USP42: variants seen among roughly 807,000 people sequenced by gnomAD.
USP42 encodes the protein ubiquitin carboxyl-terminal hydrolase 42.
In USP42, 23 loss-of-function variants were observed where a neutral mutation model predicts 113.0. The ratio of observed to expected loss-of-function variants is 0.20; its 90% confidence interval spans 0.15 to 0.29. The LOEUF (loss-of-function observed/expected upper bound fraction) is 0.29. Among genes scored for constraint, USP42 ranks in the 10% least tolerant of loss-of-function variants. The pLI is 1.00. For synonymous variants in USP42, 933 were observed against 699.0 expected (o/e 1.33, Z -5.28); for missense variants, 2,174 against 1,779.8 (o/e 1.22, Z -3.99).
intron 3 of USP42, among the ~76,000 whole-genome samples, chr7:6,117,345 G>T (rs372626641): frequency 6.6e-6 from 1 of 152,214 alleles, no homozygotes; most frequent in East Asian, 1.9e-4. Context: ...GCATAATCCT[G>T]TCAACATTAT....
the USP42 span, among the ~76,000 whole-genome samples, chr7:6,082,603 G>GTTTTTTTTTTTTTTTTTTTTTTT: frequency 2.2e-5 from 2 of 90,196 alleles, no homozygotes; most frequent in Admixed American, 1.4e-4. Context: ...CTTTCTTTCT[G>GTTTTTTTTTTTTTTTTTTTTTTT]TTTTTTTTTT....
At chr7:6,118,367 C>G (rs949586707) in intron 3 of USP42, among the ~76,000 whole-genome samples, 2 of 151,964 alleles carry the variant, frequency 1.3e-5, no homozygotes, top group Admixed American at 6.6e-5. Flanking sequence ...ATAAAAAATA[C>G]AAAAATTATC....
At chr7:6,127,960 T>C (rs1181581040) in intron 3 of USP42, among the ~76,000 whole-genome samples, 5 of 152,112 alleles carry the variant, frequency 3.3e-5, no homozygotes, top group African/African-American at 1.2e-4. Flanking sequence ...TCTTGTTCTG[T>C]GACCCAGGCT....
chr7:6,095,477 C>T, the USP42 span, among the ~76,000 whole-genome samples: 19 of 151,012 alleles, frequency 1.3e-4, no homozygotes, highest in African/African-American at 4.7e-4. Flanking sequence ...AGACCAGCCT[C>T]GCCAACATAG....
chr7:6,128,733 CTG>C (rs1227137772), intron 3 of USP42, among the ~76,000 whole-genome samples: 26 of 151,522 alleles, frequency 1.7e-4, no homozygotes, highest in Admixed American at 1.6e-3. Context: ...TTTTATATGT[CTG>C]TGTTTTCTTG....
intron 3 of USP42, among the ~76,000 whole-genome samples, chr7:6,120,244 G>A (rs1583598530): frequency 1.3e-5 from 2 of 152,024 alleles, no homozygotes; most frequent in Middle Eastern, 3.4e-3. Context: ...GATTACAGGC[G>A]TGAGCCACTG....
At chr7:6,137,985 A>G (rs1583642775) in intron 4 of USP42, among the ~76,000 whole-genome samples, 1 of 152,188 alleles carries the variant, frequency 6.6e-6, no homozygotes, top group African/African-American at 2.4e-5. Context: ...GACCACATAT[A>G]TTTATTTTTA....
chr7:6,159,708 G>T lies in USP42; in HGVS notation c.*36+215G>T, dbSNP rs1782663256. Among the ~76,000 whole-genome samples, 1 of 152,164 alleles carries T rather than the reference G, an allele frequency of 6.6e-6. No homozygotes were observed. On this transcript the variant is annotated intron_variant, in intron 17 of 17. Coordinates refer to ENST00000306177, the MANE Select transcript of USP42 (RefSeq NM_032172.3). The surrounding 1 kb of genome is among the most constrained non-coding windows in gnomAD (Gnocchi z 4.1). ...TCCACCTCATCACGTTTGCATTACTGGCTGGGGAAGACCCGCATCCTTCAC... is the reference window on the plus strand; with the variant it reads ...TCCACCTCATCACGTTTGCATTACTTGCTGGGGAAGACCCGCATCCTTCAC...
chr7:6,148,830 C>T (rs1255671834), intron 12 of USP42, among the ~76,000 whole-genome samples: 2 of 152,162 alleles, frequency 1.3e-5, no homozygotes, highest in Non-Finnish European at 2.9e-5. Context: ...CCAGCGGGCT[C>T]CCCTTTTGGG....
At chr7:6,087,566 G>A in the USP42 span, among the ~76,000 whole-genome samples, 1 of 149,534 alleles carries the variant, frequency 6.7e-6, no homozygotes, top group Non-Finnish European at 1.5e-5. Context: ...TGAACTCCTG[G>A]ACTGAAGCAA....
In USP42 at chr7:6,159,031, G is replaced by A. The variant is rs1402756537; in HGVS notation, c.3944-419G>A. Among the ~76,000 whole-genome samples, 3 of 152,178 alleles carry A rather than the reference G, an allele frequency of 2.0e-5. No individual in the cohort carries two copies. The highest frequency in any genetic ancestry group is 4.4e-5 in the Non-Finnish European group (3 of 68,032). On this transcript the variant is annotated intron_variant, in intron 16 of 17. Transcript: ENST00000306177. The surrounding 1 kb of genome is among the most constrained non-coding windows in gnomAD (Gnocchi z 4.1). ...GGCGCTTCTGCTGCGAGCAGACTGAGGAGCCTTTCTTGTCCTTCTGAGAAG... is the reference window on the plus strand; with the variant it reads ...GGCGCTTCTGCTGCGAGCAGACTGAAGAGCCTTTCTTGTCCTTCTGAGAAG...
At chr7:6,099,821 G>T in the USP42 span, among the ~76,000 whole-genome samples, 2 of 150,788 alleles carry the variant, frequency 1.3e-5, no homozygotes, top group East Asian at 3.9e-4. Flanking sequence ...AAATTATCTG[G>T]GCATTGTGGT....
At chr7:6,116,394 C>T (rs1418852141) in intron 3 of USP42, 1 of 167,126 alleles carries the variant, frequency 6.0e-6, no homozygotes, top group African/African-American at 2.4e-5. Flanking sequence ...GACTATCAAC[C>T]TTCAGAATTT....
chr7:6,148,959 T>C (rs1271006715), intron 12 of USP42, among the ~76,000 whole-genome samples: 2 of 152,090 alleles, frequency 1.3e-5, no homozygotes, highest in Non-Finnish European at 2.9e-5. Context: ...AGCTTTCCAG[T>C]GTTAGGATGG....
At chr7:6,137,059 G>A (rs934635265) in intron 4 of USP42, among the ~76,000 whole-genome samples, 2 of 152,114 alleles carry the variant, frequency 1.3e-5, no homozygotes, top group African/African-American at 4.8e-5. Context: ...CTTACATTCT[G>A]TGTGTTTTTG....
chr7:6,095,935 T>C, the USP42 span, among the ~76,000 whole-genome samples: 1 of 150,458 alleles, frequency 6.6e-6, no homozygotes, highest in African/African-American at 2.5e-5. Context: ...TTTTTTTTAA[T>C]TTATTTTTTT....
At chr7:6,099,159 CTT>C in the USP42 span, among the ~76,000 whole-genome samples, 2 of 147,260 alleles carry the variant, frequency 1.4e-5, no homozygotes, top group Non-Finnish European at 3.0e-5. Flanking sequence ...TGCTCTCTGG[CTT>C]TCTCACTTTA....
At position 6,115,324 on chromosome 7, in the gene USP42, C is replaced by T; in HGVS notation, c.243C>T (p.Ala81=). The change falls in exon 3 of 18, where the codon GCC becomes GCT. Residue 81 remains alanine (A), a splice_region_variant and synonymous_variant. Transcript: ENST00000306177. Reference sequence around the variant, plus strand: ...ACTCTTTCTTGTTTATTTTTCTAGCCCTAGGTGATGGCATCGCTCCTCCAC... The same window carrying T: ...ACTCTTTCTTGTTTATTTTTCTAGCTCTAGGTGATGGCATCGCTCCTCCAC... The part of the protein sequence containing the change: ...KSKPSPQKDQ[A]LGDGIAPPQK... The T allele has an allele frequency of 6.2e-7, 1 of 1,613,752 alleles. No homozygotes were observed. Among genetic ancestry groups the T allele is most frequent in the Non-Finnish European group, 8.5e-7 (1 of 1,179,848 alleles).
rs1782718876 is a variant in USP42, at chr7:6,160,566, T to TCAA, written c.*51_*53dup. 1 of 152,698 alleles carries TCAA rather than the reference T, an allele frequency of 6.5e-6. No individual in the cohort carries two copies. Among genetic ancestry groups the TCAA allele is most frequent in the South Asian group, 2.1e-4 (1 of 4,834 alleles). The allele number at this position is 152,698 out of a possible 1,614,324, so 9.5% of individuals were successfully genotyped here. On this transcript the variant is annotated 3_prime_UTR_variant, in exon 18 of 18. Coordinates refer to ENST00000306177, the MANE Select transcript of USP42 (RefSeq NM_032172.3). ...CTCTTGTCTTTCAGATTCAACGCGT[T>TCAA]CAACAGAAGCCATCCCCAGCCCAGC...
Sources: gnomAD v4.1 joint callset for allele counts (sites outside exome capture counted in the v4.1 genomes callset) on GRCh38, gnomAD v4.1.1 for gene constraint, Gnocchi (gnomAD v3.1) non-coding constraint, MANE v1.5 for transcripts, NCBI Gene and HGNC (gene_info 2026-07-23, HGNC 2026-07-21) for gene names.